The following MAML2 variants were observed in gnomAD, a reference collection of about 807,000 sequenced individuals.
The protein encoded by MAML2 is mastermind-like protein 2.
MAML2 carries 22 observed loss-of-function variants against 96.1 expected under a neutral mutation model. The ratio of observed to expected loss-of-function variants is 0.23; its 90% confidence interval spans 0.16 to 0.33. The LOEUF (loss-of-function observed/expected upper bound fraction) is 0.33. Among genes scored for constraint, MAML2 ranks in the 10% least tolerant of loss-of-function variants. MAML2 has a pLI of 1.00. For synonymous variants in MAML2, 561 were observed against 521.3 expected, an observed-to-expected ratio of 1.08 and a Z score of -1.04; for missense variants, 1,367 against 1,392.4, an observed-to-expected ratio of 0.98 and a Z score of 0.29.
chr11:96,022,776 A>C (rs1341407307), intron 2 of MAML2, among the ~76,000 whole-genome samples: 1 of 152,216 alleles, frequency 6.6e-6, no homozygotes, highest in Admixed American at 6.5e-5. Context: ...TCTCACTCAC[A>C]AGGATCAGAT....
At chr11:96,162,325 A>C (rs1861122210) in intron 1 of MAML2, among the ~76,000 whole-genome samples, 1 of 151,038 alleles carries the variant, frequency 6.6e-6, no homozygotes, top group Non-Finnish European at 1.5e-5. Flanking sequence ...AAAGCATTTT[A>C]TTAAAAAGCT....
At chr11:96,174,683 T>C (rs1861354351) in intron 1 of MAML2, among the ~76,000 whole-genome samples, 1 of 152,228 alleles carries the variant, frequency 6.6e-6, no homozygotes. Flanking sequence ...ACACCCAGCC[T>C]ACTTATTTCA....
intron 1 of MAML2, among the ~76,000 whole-genome samples, chr11:96,136,082 T>C (rs1179196142): frequency 6.6e-6 from 1 of 150,462 alleles, no homozygotes; most frequent in Non-Finnish European, 1.5e-5. Flanking sequence ...TAAACACATC[T>C]AGGAATCAAC....
chr11:96,281,733 G>A (rs1863069758), intron 1 of MAML2, among the ~76,000 whole-genome samples: 1 of 151,964 alleles, frequency 6.6e-6, no homozygotes, highest in Non-Finnish European at 1.5e-5. Context: ...TGCTGGATGT[G>A]GCAGCATGCA....
chr11:96,164,623 A>G (rs1222716148), intron 1 of MAML2, among the ~76,000 whole-genome samples: 1 of 152,212 alleles, frequency 6.6e-6, no homozygotes, highest in Non-Finnish European at 1.5e-5. Context: ...ATTCCATAGC[A>G]GGAGGCACAA....
Position 96,230,617 on chromosome 11 carries a change from G to A in MAML2, c.513+110766C>T, listed in dbSNP as rs78876832. Among the ~76,000 whole-genome samples the A allele has an allele frequency of 8.2e-3, 1,256 of 152,290 alleles. 10 individuals are homozygous for A. Among genetic ancestry groups the A allele is most frequent in the East Asian group, 0.022 (113 of 5,188 alleles). On this transcript the variant is annotated intron_variant, in intron 1 of 4. Transcript: ENST00000524717. The stretch of plus-strand genomic sequence containing the variant: ...AATTTACTAAAATGTATGTAGGGAT[G>A]ACTGCCTCTTGAGTTTCCTGATTTC...
At position 96,342,201 on chromosome 11, in the gene MAML2, T is replaced by G; in HGVS notation, c.-306A>C. 1 of 470,216 alleles carries G rather than the reference T, an allele frequency of 2.1e-6. No homozygotes were observed. The highest frequency in any genetic ancestry group is 3.8e-5 in the Admixed American group (1 of 26,538). 29.1% of individuals were successfully genotyped at this position (470,216 alleles called of 1,614,324 possible). A position where few individuals can be genotyped will look rare whatever the true frequency, so the allele number is the denominator to read the frequency against. ...TTGGACAGAGTTGGTGGATTTTTTT[T>G]CCTCCACCAAGCTGACAAGAGCCAC... On this transcript the variant is annotated 5_prime_UTR_variant, in exon 1 of 5. Coordinates refer to ENST00000524717, the MANE Select transcript of MAML2 (RefSeq NM_032427.4).
At chr11:96,276,293 T>A (rs1469952182) in intron 1 of MAML2, among the ~76,000 whole-genome samples, 1 of 152,222 alleles carries the variant, frequency 6.6e-6, no homozygotes, top group Non-Finnish European at 1.5e-5. Context: ...ACATTCACTC[T>A]TGCTGACTGA....
Position 96,342,572 on chromosome 11 carries a change from T to G in MAML2, c.-677A>C. On this transcript the variant is annotated 5_prime_UTR_variant, in exon 1 of 5. Coordinates refer to ENST00000524717, the MANE Select transcript of MAML2 (RefSeq NM_032427.4). ...TAATTTTTCCTCCCTTTCCTTTCGC[T>G]CCGGTGTTTTCTCCTCTTTGGGGTA... 2.5e-6 allele frequency: 1 copy of G among 395,900 alleles called. No individual in the cohort carries two copies. 24.5% of individuals were successfully genotyped at this position (395,900 alleles called of 1,614,324 possible).
chr11:96,223,537 T>C (rs1240852406), intron 1 of MAML2, among the ~76,000 whole-genome samples: 1 of 152,046 alleles, frequency 6.6e-6, no homozygotes, highest in Non-Finnish European at 1.5e-5. Flanking sequence ...TCCAGCCAGG[T>C]ATTTTCTTTT....
chr11:96,235,772 A>G (rs533640200), intron 1 of MAML2, among the ~76,000 whole-genome samples: 11 of 152,328 alleles, frequency 7.2e-5, no homozygotes, highest in African/African-American at 2.6e-4. Flanking sequence ...TTCAATGTAA[A>G]CCAGGGTTTT....
intron 1 of MAML2, among the ~76,000 whole-genome samples, chr11:96,102,984 C>G (rs140638802): frequency 6.6e-6 from 1 of 152,188 alleles, no homozygotes; most frequent in Non-Finnish European, 1.5e-5. Context: ...GCAGAATTTA[C>G]GATGCATTAA....
chr11:96,155,519 T>C lies in MAML2; in HGVS notation c.514-62002A>G, dbSNP rs1330599467. On this transcript the variant is annotated intron_variant, in intron 1 of 4. Transcript: ENST00000524717. The stretch of plus-strand genomic sequence containing the variant: ...CGCTGTAACAATTCAAATATATATA[T>C]ATATATATATATATATATATATATA... Among the ~76,000 whole-genome samples, 41 of 49,590 alleles carry C rather than the reference T, an allele frequency of 8.3e-4. 3 individuals are homozygous for C. The highest frequency in any genetic ancestry group is 2.8e-3 in the South Asian group (3 of 1,076). The allele number at this position is 49,590 out of a possible 152,430, so 32.5% of individuals were successfully genotyped here. A position where few individuals can be genotyped will look rare whatever the true frequency, so the allele number is the denominator to read the frequency against.
intron 1 of MAML2, among the ~76,000 whole-genome samples, chr11:96,205,469 T>G (rs764751104): frequency 4.6e-5 from 7 of 152,262 alleles, no homozygotes; most frequent in Non-Finnish European, 1.0e-4. Flanking sequence ...ACATAGTCAC[T>G]GCCTTCAAGA....
intron 1 of MAML2, among the ~76,000 whole-genome samples, chr11:96,113,099 T>C (rs1478756186): frequency 6.6e-6 from 1 of 151,974 alleles, no homozygotes. Flanking sequence ...AAAAGGATAG[T>C]TTTTCTAGAA....
chr11:96,285,181 G>A (rs1007352654), intron 1 of MAML2, among the ~76,000 whole-genome samples: 3 of 152,068 alleles, frequency 2.0e-5, no homozygotes, highest in Non-Finnish European at 4.4e-5. Flanking sequence ...ATGAAACCAC[G>A]TCTACTCATA....
chr11:95,998,114 T>TTCTA (rs1326181166), intron 2 of MAML2, among the ~76,000 whole-genome samples: 1 of 140,396 alleles, frequency 7.1e-6, no homozygotes, highest in Non-Finnish European at 1.5e-5. Context: ...TTATCCACTT[T>TTCTA]TCTATCTATC....
intron 1 of MAML2, among the ~76,000 whole-genome samples, chr11:96,151,205 C>T (rs1860915720): frequency 6.6e-6 from 1 of 152,084 alleles, no homozygotes; most frequent in African/African-American, 2.4e-5. Context: ...TTCCTCAGCT[C>T]CTGCCTTTGC....
chr11:96,175,481 C>T (rs879567093), intron 1 of MAML2, among the ~76,000 whole-genome samples: 1 of 152,218 alleles, frequency 6.6e-6, no homozygotes, highest in Non-Finnish European at 1.5e-5. Context: ...GTGGGTTTAC[C>T]ACCATCTTTC....
Sources: gnomAD v4.1 joint callset for allele counts (sites outside exome capture counted in the v4.1 genomes callset) on GRCh38, gnomAD v4.1.1 for gene constraint, MANE v1.5 for transcripts, NCBI Gene and HGNC (gene_info 2026-07-23, HGNC 2026-07-21) for gene names.